The following VPS53 variants were observed in gnomAD, a reference collection of about 807,000 sequenced individuals.
The protein encoded by VPS53 is VPS53 subunit of GARP complex, also known as vacuolar protein sorting-associated protein 53 homolog.
A neutral mutation model predicts 107.0 loss-of-function variants in VPS53; 70 were observed. The ratio of observed to expected loss-of-function variants is 0.65; its 90% CI spans 0.54 to 0.80. The LOEUF (loss-of-function observed/expected upper bound fraction) is 0.80, where lower values mean the gene tolerates loss of function less well. Ranked by LOEUF, VPS53 falls within the 30% of genes least tolerant of loss-of-function variation. The pLI is 0.00. For synonymous variants in VPS53, 409 were observed against 393.3 expected, an observed-to-expected ratio of 1.04 and a Z score of -0.47; for missense variants, 917 against 1,049.4, an observed-to-expected ratio of 0.87 and a Z score of 1.74.
chr17:661,712 G>A (rs1387322617), intron 5 of VPS53, 97 bp downstream of exon 5: 4 of 1,166,068 alleles, frequency 3.4e-6, no homozygotes, highest in Non-Finnish European at 4.9e-6. Flanking sequence ...GTTGGCAGGA[G>A]GTGCCATTAT....
At chr17:578,142 T>C (rs1360825277) in intron 13 of VPS53, among the ~76,000 whole-genome samples, 1 of 150,872 alleles carries the variant, frequency 6.6e-6, no homozygotes, top group Non-Finnish European at 1.5e-5. Context: ...AGGTAATTCT[T>C]TCCCAGAGAA....
chr17:525,704 A>G (rs1597244876), intron 19 of VPS53, among the ~76,000 whole-genome samples: 1 of 148,508 alleles, frequency 6.7e-6, no homozygotes, highest in Non-Finnish European at 1.5e-5. Context: ...TTAAGAAAAG[A>G]AAAAAAAAAT....
chr17:623,888 AT>A (rs1215786411), intron 10 of VPS53, among the ~76,000 whole-genome samples: 1 of 152,180 alleles, frequency 6.6e-6, no homozygotes, highest in African/African-American at 2.4e-5. Context: ...AGGCAAAAAA[AT>A]CAGGGGTCAT....
At chr17:657,872 G>A (rs1256292782) in intron 5 of VPS53, among the ~76,000 whole-genome samples, 1 of 152,102 alleles carries the variant, frequency 6.6e-6, no homozygotes, top group Non-Finnish European at 1.5e-5. Flanking sequence ...ACTCGGCAGG[G>A]AGTTCGTGGA....
Position 620,863 on chromosome 17 carries a change from C to T in VPS53, c.1116+2670G>A, listed in dbSNP as rs1467802689. On this transcript the variant is annotated intron_variant, in intron 11 of 21. Coordinates refer to ENST00000437048, the MANE Select transcript of VPS53 (RefSeq NM_001128159.3). ...CCTTAAGTGATCATCCCACCTCAGCCTCTCAAAGTGCTGGGATTATAGGCA... is the reference window on the plus strand; with the variant it reads ...CCTTAAGTGATCATCCCACCTCAGCTTCTCAAAGTGCTGGGATTATAGGCA... Among the ~76,000 whole-genome samples, 6 of 152,162 alleles carry T rather than the reference C, an allele frequency of 3.9e-5. No homozygotes were observed. The East Asian group carries it at 1.2e-3, about 29-fold the overall frequency.
intron 7 of VPS53, among the ~76,000 whole-genome samples, chr17:648,541 A>T (rs923133468): frequency 1.3e-5 from 2 of 152,236 alleles, no homozygotes; most frequent in Non-Finnish European, 2.9e-5. Flanking sequence ...ATGGAGTGAG[A>T]CTTGGTCTCA....
chr17:536,868 A>T (rs11653961), intron 18 of VPS53, 160 bp downstream of exon 18: 2 of 795,478 alleles, frequency 2.5e-6, no homozygotes, highest in Non-Finnish European at 3.9e-6. Flanking sequence ...GTGTGTGGGG[A>T]GGTGTCGGTA....
intron 4 of VPS53, among the ~76,000 whole-genome samples, chr17:694,928 C>T (rs1972899174): frequency 6.6e-6 from 1 of 152,198 alleles, no homozygotes; most frequent in Non-Finnish European, 1.5e-5. Flanking sequence ...TGGTCTCAAA[C>T]TCCTGGCCTC....
chr17:568,109 T>G (rs564548060), intron 13 of VPS53, among the ~76,000 whole-genome samples: 1 of 152,042 alleles, frequency 6.6e-6, no homozygotes, highest in South Asian at 2.1e-4. Context: ...GGGCCTGCAG[T>G]CAGCATTCAC....
At chr17:533,661 G>A (rs1231449440) in intron 18 of VPS53, among the ~76,000 whole-genome samples, 6 of 152,126 alleles carry the variant, frequency 3.9e-5, no homozygotes, top group African/African-American at 1.2e-4. Flanking sequence ...CATGGAGTCT[G>A]CAGGCCTCCA....
chr17:601,881 G>A lies in VPS53; in HGVS notation c.1132C>T (p.Pro378Ser), dbSNP rs1016725187. 6.3e-6 allele frequency: 10 copies of A among 1,589,252 alleles called. No individual in the cohort carries two copies. In the Admixed American group the frequency reaches 8.8e-5, roughly 14 times the overall value. ...TDGTLKKLES[P>S]PPSTNPFLED... Reference sequence around the variant, plus strand: ...AGGAAGGGATTGGTAGATGGGGGTGGAGACTCAAGCTTTTTCTGTTAGGTA... The same window carrying A: ...AGGAAGGGATTGGTAGATGGGGGTGAAGACTCAAGCTTTTTCTGTTAGGTA... Residue 378 changes from proline to serine, a missense_variant, in exon 12 of 22, where the codon CCA becomes TCA. Pro to Ser is a moderately conservative substitution (Grantham distance 74). Transcript: ENST00000437048.
chr17:714,666 G>T lies in VPS53; in HGVS notation c.44C>A (p.Ala15Asp). 6.2e-7 allele frequency: 1 copy of T among 1,612,814 alleles called. No individual in the cohort carries two copies. The highest frequency in any genetic ancestry group is 8.5e-7 in the Non-Finnish European group (1 of 1,179,468). ...EELEFVEELE[A>D]VLQLTPEVQL... ...CACCTCGGGCGTGAGCTGCAGCACG[G>T]CTTCCAGCTCCTCCACGAACTCCAG... is the stretch of plus-strand genomic sequence containing the variant. Residue 15 changes from alanine (A) to aspartate (D), a missense_variant, in exon 1 of 22, where the codon GCC (alanine) becomes GAC (aspartate). Physicochemically the swap from Ala to Asp is moderately radical, Grantham distance 126. Coordinates refer to ENST00000437048, the MANE Select transcript of VPS53 (RefSeq NM_001128159.3).
chr17:535,600 G>A (rs1258276508), intron 18 of VPS53, among the ~76,000 whole-genome samples: 1 of 152,190 alleles, frequency 6.6e-6, no homozygotes, highest in South Asian at 2.1e-4. Context: ...AGACCCCGGA[G>A]CAGCCACCCT....
intron 5 of VPS53, among the ~76,000 whole-genome samples, chr17:658,741 G>A (rs1029403095): frequency 1.7e-4 from 26 of 149,676 alleles, no homozygotes; most frequent in Admixed American, 1.5e-3. Context: ...TGAGACACTC[G>A]GCCGTGAGTT....
chr17:599,355 G>C (rs1262511343), intron 12 of VPS53, among the ~76,000 whole-genome samples: 1 of 152,196 alleles, frequency 6.6e-6, no homozygotes, highest in Admixed American at 6.5e-5. Context: ...TGGTTGCCGT[G>C]TCTGTGTAGA....
At chr17:654,736 C>CAAAAAAAAA (rs35308893) in intron 6 of VPS53, among the ~76,000 whole-genome samples, 4 of 67,494 alleles carry the variant, frequency 5.9e-5, no homozygotes, top group African/African-American at 1.3e-4. Flanking sequence ...GACTCCAACT[C>CAAAAAAAAA]AAAAAAAAAA....
intron 7 of VPS53, among the ~76,000 whole-genome samples, chr17:637,207 G>A (rs551160673): frequency 5.3e-5 from 8 of 152,186 alleles, no homozygotes; most frequent in African/African-American, 1.9e-4. Flanking sequence ...ATTTGCATAG[G>A]GGTGTTTATA....
intron 13 of VPS53, among the ~76,000 whole-genome samples, chr17:564,118 G>T (rs28642775): frequency 6.7e-6 from 1 of 149,376 alleles, no homozygotes. Context: ...GGTGTGGGCC[G>T]GGTGCGGTGG....
chr17:604,476 A>T (rs1597371020), intron 11 of VPS53, among the ~76,000 whole-genome samples: 2 of 152,358 alleles, frequency 1.3e-5, no homozygotes, highest in East Asian at 3.9e-4. Context: ...GCAGCCCTGA[A>T]GAAGCAGGCA....
Sources: gnomAD v4.1 joint callset for allele counts (sites outside exome capture counted in the v4.1 genomes callset) on GRCh38, gnomAD v4.1.1 for gene constraint, MANE v1.5 for transcripts, NCBI Gene and HGNC (gene_info 2026-07-23, HGNC 2026-07-21) for gene names.